Variants in SUSD1 observed in about 807,000 individuals in gnomAD.
The protein encoded by SUSD1 is sushi domain containing 1.
SUSD1 carries 65 observed loss-of-function variants against 86.9 expected under a neutral mutation model. The ratio of observed to expected loss-of-function variants is 0.75; its 90% CI spans 0.61 to 0.92. The LOEUF is 0.92. SUSD1 is among the 40% of genes least tolerant of loss of function. The pLI, the probability that SUSD1 is intolerant of heterozygous loss-of-function variation, is 0.00. For missense variants in SUSD1, 850 were observed against 929.7 expected (o/e 0.91, Z 1.11); for synonymous variants, 346 against 350.0 (o/e 0.99, Z 0.13).
chr9:112,043,436 C>CA (rs756535191), intron 15 of SUSD1, among the ~76,000 whole-genome samples: 27 of 152,152 alleles, frequency 1.8e-4, no homozygotes, highest in Non-Finnish European at 3.2e-4. Flanking sequence ...CCAACCCAAC[C>CA]AATCAGCACT....
chr9:112,044,270 A>G (rs1827863848), intron 15 of SUSD1, among the ~76,000 whole-genome samples: 1 of 152,248 alleles, frequency 6.6e-6, no homozygotes, highest in Admixed American at 6.5e-5. Flanking sequence ...AGCATATCAA[A>G]TACTTTCAAA....
intron 8 of SUSD1, among the ~76,000 whole-genome samples, chr9:112,105,457 G>A (rs1448204130): frequency 1.3e-5 from 2 of 152,076 alleles, no homozygotes; most frequent in Non-Finnish European, 2.9e-5. Context: ...AGTGGCTCAC[G>A]CCTGTAATCC....
chr9:112,159,399 T>C (rs533275513), intron 1 of SUSD1, among the ~76,000 whole-genome samples: 3 of 152,176 alleles, frequency 2.0e-5, no homozygotes, highest in Non-Finnish European at 4.4e-5. Flanking sequence ...GTTCTGCGTG[T>C]TTTTTAAAAA....
intron 10 of SUSD1, among the ~76,000 whole-genome samples, chr9:112,089,138 A>G (rs552866878): frequency 1.9e-4 from 29 of 152,212 alleles, no homozygotes; most frequent in Middle Eastern, 3.4e-3. Flanking sequence ...CAAACAAAAA[A>G]CCTGACAAAC....
chr9:112,080,201 T>C (rs1829705233), intron 10 of SUSD1, 36 bp from the exon 11 acceptor site: 10 of 1,489,538 alleles, frequency 6.7e-6, no homozygotes, highest in Non-Finnish European at 8.4e-6. Context: ...CAATTTACAC[T>C]CTATAGAAAA....
At chr9:112,058,975 G>C (rs1828584919) in intron 13 of SUSD1, among the ~76,000 whole-genome samples, 1 of 152,114 alleles carries the variant, frequency 6.6e-6, no homozygotes, top group Non-Finnish European at 1.5e-5. Flanking sequence ...TGTATTTTTA[G>C]TAGAGATGGG....
intron 10 of SUSD1, among the ~76,000 whole-genome samples, chr9:112,082,243 T>A (rs566313611): frequency 6.6e-6 from 1 of 152,270 alleles, no homozygotes; most frequent in African/African-American, 2.4e-5. Context: ...ATACAAAAAC[T>A]GATCATTTTC....
intron 6 of SUSD1, among the ~76,000 whole-genome samples, chr9:112,114,931 C>T (rs1178787675): frequency 2.0e-5 from 3 of 152,344 alleles, no homozygotes; most frequent in East Asian, 3.9e-4. Context: ...CCAGTACAAT[C>T]AGGCATCATA....
chr9:112,165,557 GCAC>G (rs1833747933), intron 1 of SUSD1, among the ~76,000 whole-genome samples: 1 of 151,744 alleles, frequency 6.6e-6, no homozygotes, highest in African/African-American at 2.4e-5. Flanking sequence ...CCACAGGTGT[GCAC>G]CACCACACTC....
At chr9:112,170,628 A>G (rs996533000) in intron 1 of SUSD1, among the ~76,000 whole-genome samples, 2 of 151,508 alleles carry the variant, frequency 1.3e-5, no homozygotes, top group African/African-American at 2.4e-5. Context: ...TTTGATGCCA[A>G]TTAATGTCAT....
At chr9:112,133,080 C>A (rs1279187123) in intron 5 of SUSD1, among the ~76,000 whole-genome samples, 2 of 152,198 alleles carry the variant, frequency 1.3e-5, no homozygotes, top group East Asian at 3.8e-4. Context: ...CAGTTTAAGA[C>A]CAGCCTGGGC....
At chr9:112,064,918 T>C (rs1828910774) in intron 12 of SUSD1, among the ~76,000 whole-genome samples, 1 of 151,898 alleles carries the variant, frequency 6.6e-6, no homozygotes, top group Non-Finnish European at 1.5e-5. Context: ...CAAACCAGTT[T>C]TACCAGCAAT....
At chr9:112,074,148 G>A (rs71503505) in intron 12 of SUSD1, among the ~76,000 whole-genome samples, 16,260 of 152,094 alleles carry the variant, frequency 0.11, 946 homozygotes, top group African/African-American at 0.13. Context: ...CTCAGGAGGT[G>A]GAGGTTGCAG....
intron 8 of SUSD1, among the ~76,000 whole-genome samples, chr9:112,108,897 T>C (rs1830970207): frequency 7.0e-6 from 1 of 142,498 alleles, no homozygotes; most frequent in Non-Finnish European, 1.5e-5. Flanking sequence ...AGAAAAACAA[T>C]TTTAAAACCC....
chr9:112,062,953 T>A lies in SUSD1; in HGVS notation c.1834A>T (p.Lys612Ter). ...PRLRLRKAKE[K>*]NGPISSYQVL... ...GCTACTGACCTGATTGGTCCATTTT[T>A]CTCCTTGGCTTTCCTCAGTCTGAGG... Residue 612 changes from lysine to a stop codon, truncating the protein, a stop_gained, in exon 13 of 17, where the codon AAA becomes TAA. Coordinates refer to ENST00000374270, the MANE Select transcript of SUSD1 (RefSeq NM_022486.5). LOFTEE classifies it high-confidence loss of function. 2 of 1,612,080 alleles carry A rather than the reference T, an allele frequency of 1.2e-6. No individual in the cohort carries two copies. The highest frequency in any genetic ancestry group is 1.7e-6 in the Non-Finnish European group (2 of 1,178,622).
chr9:112,041,556 A>G, intron 16 of SUSD1, 64 bp from the exon 17 acceptor site: 1 of 780,002 alleles, frequency 1.3e-6, no homozygotes, highest in Non-Finnish European at 2.4e-6. Flanking sequence ...CCCACTGTGC[A>G]TCTCTATGCA....
At chr9:112,134,838 C>T (rs1016001712) in intron 5 of SUSD1, among the ~76,000 whole-genome samples, 23 of 151,248 alleles carry the variant, frequency 1.5e-4, no homozygotes, top group Non-Finnish European at 3.2e-4. Context: ...GAGTCCAAGG[C>T]AGGAGGATCA....
intron 15 of SUSD1, among the ~76,000 whole-genome samples, chr9:112,051,431 T>G (rs3983412): frequency 0.058 from 6,341 of 108,806 alleles, 147 homozygotes; most frequent in African/African-American, 0.091. Flanking sequence ...TTTTTTTTTT[T>G]TTGTTGTTGT....
At chr9:112,053,447 G>A (rs1457252666) in intron 14 of SUSD1, among the ~76,000 whole-genome samples, 3 of 147,764 alleles carry the variant, frequency 2.0e-5, no homozygotes, top group Admixed American at 6.8e-5. Flanking sequence ...CCCAGGAGGC[G>A]GAGGTGCAGT....
Sources: allele counts gnomAD v4.1 joint callset (sites outside exome capture counted in the v4.1 genomes callset), GRCh38; gene constraint gnomAD v4.1.1; transcripts MANE v1.5; gene names NCBI Gene and HGNC (gene_info 2026-07-23, HGNC 2026-07-21).